SHF: variants seen among roughly 807,000 people sequenced by gnomAD.
SHF encodes SH2 domain-containing adapter protein F.
In SHF, 30 loss-of-function variants were observed where a neutral mutation model predicts 42.4. That is an observed-to-expected ratio of 0.71 (90% CI 0.53 to 0.96). The LOEUF is 0.96. Among genes scored for constraint, SHF ranks in the 40% least tolerant of loss-of-function variants. The pLI is 0.00. For missense variants in SHF, 598 were observed against 634.0 expected, an observed-to-expected ratio of 0.94 and a Z score of 0.61; for synonymous variants, 264 against 269.9, an observed-to-expected ratio of 0.98 and a Z score of 0.21.
chr15:45,187,367 C>G, intron 1 of SHF, 87 bp downstream of exon 1: 1 of 1,198,382 alleles, frequency 8.3e-7, no homozygotes, highest in Non-Finnish European at 1.0e-6. Flanking sequence ...CCGAGGGGCC[C>G]GGGCCAGGCC....
chr15:45,198,672 C>T, intron 2 of SHF: 1 of 1,468,546 alleles, frequency 6.8e-7, no homozygotes, highest in Middle Eastern at 1.8e-4. Flanking sequence ...ACTATACGAT[C>T]ACGGCGAGCT....
At position 45,178,242 on chromosome 15, in the gene SHF, C is replaced by G; in HGVS notation, c.563G>C (p.Gly188Ala). Residue 188 changes from glycine (G) to alanine (A), a missense_variant, in exon 2 of 7, where the codon GGA becomes GCA. Around this residue, in one of 2 missense-constraint regions of SHF, gnomAD observed 439 missense variants for 524.6 expected, o/e 0.84. Coordinates refer to ENST00000690270, the MANE Select transcript of SHF (RefSeq NM_001394037.1). ...DVQETGEGSAGASGAPEKVPE... is the reference protein window; with the variant it reads ...DVQETGEGSAAASGAPEKVPE... ...GACCTTCTCTGGGGCTCCTGAAGCT[C>G]CTGCTGAGCCTTCGCCAGTCTCCTG... is the stretch of plus-strand genomic sequence containing the variant. 1.2e-6 allele frequency: 2 copies of G among 1,613,980 alleles called. No homozygotes were observed. Among genetic ancestry groups the G allele is most frequent in the Non-Finnish European group, 1.7e-6 (2 of 1,179,906 alleles).
chr15:45,171,631 G>A (rs1897492049), intron 6 of SHF: 3 of 551,380 alleles, frequency 5.4e-6, no homozygotes, highest in Non-Finnish European at 3.2e-6. Flanking sequence ...GGCCTAGAGA[G>A]GTTAAGGGGG....
At chr15:45,200,320 C>G (rs1899033594) in intron 1 of SHF, 1 of 168,468 alleles carries the variant, frequency 5.9e-6, no homozygotes, top group African/African-American at 2.4e-5. Flanking sequence ...ACAAGGGAAT[C>G]GGGGTCCATT....
At chr15:45,197,827 GA>G (rs59128375) in intron 2 of SHF, among the ~76,000 whole-genome samples, 2,681 of 133,472 alleles carry the variant, frequency 0.02, 64 homozygotes, top group African/African-American at 0.051. Context: ...ATCACCTCAG[GA>G]AAAAAAAAAA....
intron 1 of SHF, among the ~76,000 whole-genome samples, chr15:45,180,298 C>T (rs1048677813): frequency 6.6e-6 from 1 of 152,166 alleles, no homozygotes; most frequent in African/African-American, 2.4e-5. Flanking sequence ...GAAAATAAAT[C>T]CACTCACCCC....
chr15:45,189,244 G>A (rs1001227678), upstream of SHF, among the ~76,000 whole-genome samples: 3 of 150,826 alleles, frequency 2.0e-5, no homozygotes, highest in African/African-American at 7.3e-5. Context: ...AATAAAGCCA[G>A]TTCCTCACCA....
At chr15:45,171,838 T>G in intron 6 of SHF, 45 bp downstream of exon 6, 1 of 1,594,846 alleles carries the variant, frequency 6.3e-7, no homozygotes, top group Non-Finnish European at 8.6e-7. Context: ...GGAGTCCCCT[T>G]CCACCCTGCT....
Position 45,167,772 on chromosome 15 carries a change from T to C in SHF, c.*175A>G. 1.9e-6 allele frequency: 1 copy of C among 527,622 alleles called. No homozygotes were observed. The highest frequency in any genetic ancestry group is 6.4e-5 in the South Asian group (1 of 15,744). 32.7% of individuals were successfully genotyped at this position (527,622 alleles called of 1,614,324 possible). ...TCCCCAGCTCCAGACAACCCCTTAC[T>C]CCAAGGCCCCAGGAGCCCTTTCCCT... On this transcript the variant is annotated 3_prime_UTR_variant, in exon 7 of 7. Transcript: ENST00000690270.
rs140613614 is a variant in SHF, at chr15:45,198,311, A to G, written c.303+461T>C. Among the ~76,000 whole-genome samples the G allele has an allele frequency of 3.0e-3, 460 of 152,200 alleles. 1 individual carries two copies. The highest frequency in any genetic ancestry group is 0.01 in the African/African-American group (436 of 41,538). On this transcript the variant is annotated intron_variant, in intron 2 of 7. Coordinates refer to the SHF transcript ENST00000290894. ...AGTAAAAATAAAAATAAATGACTCA[A>G]TAAAAAAATGTACATGAAAAGAGAA...
At chr15:45,195,388 G>T (rs1228492132) in intron 2 of SHF, among the ~76,000 whole-genome samples, 1 of 152,158 alleles carries the variant, frequency 6.6e-6, no homozygotes, top group Non-Finnish European at 1.5e-5. Context: ...AGTTTTAAAA[G>T]TCAGCCATGA....
chr15:45,187,844 TCCCGCACCC>T lies in SHF; in HGVS notation c.99_107del (p.Gly34_Gly36del). 1 of 1,029,786 alleles carries T rather than the reference TCCCGCACCC, an allele frequency of 9.7e-7. No individual in the cohort carries two copies. 63.8% of individuals were successfully genotyped at this position (1,029,786 alleles called of 1,614,324 possible). ...CGCTGCCGCCCCCTCCTGGGCCGGC[TCCCGCACCC>T]CCGGCGCCCCGGCGGGACCCCCCCG... On this transcript the variant is annotated inframe_deletion, in exon 1 of 7. Transcript: ENST00000690270.
At chr15:45,196,145 T>C (rs1272202295) in intron 2 of SHF, among the ~76,000 whole-genome samples, 1 of 146,164 alleles carries the variant, frequency 6.8e-6, no homozygotes, top group Non-Finnish European at 1.5e-5. Context: ...TCACCTAGGC[T>C]GGAGTGCAGT....
At position 45,177,413 on chromosome 15, in the gene SHF, C is replaced by CT. The variant is rs145433378; in HGVS notation, c.640+751dup. ...AACATAAGTAATGTTCTCTAATCAA[C>CT]TTTATCAGTAATAAAGCTGACATTT... is the stretch of plus-strand genomic sequence containing the variant. On this transcript the variant is annotated intron_variant, in intron 2 of 6. Coordinates refer to ENST00000690270, the MANE Select transcript of SHF (RefSeq NM_001394037.1). Among the ~76,000 whole-genome samples, 92 of 152,304 alleles carry CT rather than the reference C, an allele frequency of 6.0e-4. 1 individual carries two copies. The East Asian group carries it at 0.016, about 27-fold the overall frequency.
chr15:45,195,774 C>G (rs1393218831), intron 2 of SHF, among the ~76,000 whole-genome samples: 1 of 152,162 alleles, frequency 6.6e-6, no homozygotes, highest in African/African-American at 2.4e-5. Context: ...TCCTGTTTGC[C>G]TGGCTTTGGG....
rs535112933 is a variant in SHF, at chr15:45,198,625, A to G, written c.303+147T>C. On this transcript the variant is annotated intron_variant, in intron 2 of 7. Coordinates refer to the SHF transcript ENST00000290894. ...CCACAATGCCGTGACTCGGATTCGA[A>G]CCGAGGTTGCTGCGGCCACAACGCA... 8.6e-5 allele frequency: 87 copies of G among 1,011,342 alleles called. No homozygotes were observed. The East Asian group carries it at 1.0e-3, about 12-fold the overall frequency. 62.6% of individuals were successfully genotyped at this position (1,011,342 alleles called of 1,614,324 possible).
upstream of SHF, among the ~76,000 whole-genome samples, chr15:45,189,952 AT>A (rs1898666928): frequency 6.6e-6 from 1 of 152,158 alleles, no homozygotes; most frequent in Non-Finnish European, 1.5e-5. Context: ...GCGAGCTATG[AT>A]TGTGCCACTG....
At chr15:45,188,290 C>T (rs1250836660), upstream of SHF, among the ~76,000 whole-genome samples, 1 of 152,208 alleles carries the variant, frequency 6.6e-6, no homozygotes, top group African/African-American at 2.4e-5. Flanking sequence ...GCTCCCAGCT[C>T]GTGCGAGACG....
In SHF at chr15:45,187,718, G is replaced by C. The variant is rs1225878852; in HGVS notation, c.234C>G (p.Pro78=). ...KPAPPEPDYR[P]PAPSPAAPPA... ...GGGGCGCGGCCGGAGAGGGCGCAGG[G>C]GGGCGGTAGTCGGGCTCGGGGGGCG... is the stretch of plus-strand genomic sequence containing the variant. Residue 78 remains proline (P), a synonymous_variant, in exon 1 of 7, where the codon CCC becomes CCG. Transcript: ENST00000690270. 2 of 1,096,094 alleles carry C rather than the reference G, an allele frequency of 1.8e-6. No individual in the cohort carries two copies. Among genetic ancestry groups the C allele is most frequent in the Non-Finnish European group, 1.2e-6 (1 of 866,642 alleles). 67.9% of individuals were successfully genotyped at this position (1,096,094 alleles called of 1,614,324 possible). A position where few individuals can be genotyped will look rare whatever the true frequency, so the allele number is the denominator to read the frequency against.
Sources: allele counts gnomAD v4.1 joint callset (sites outside exome capture counted in the v4.1 genomes callset), GRCh38; gene constraint gnomAD v4.1.1; regional missense constraint gnomAD v4.1.1; transcripts MANE v1.5; gene names NCBI Gene and HGNC (gene_info 2026-07-23, HGNC 2026-07-21).